Variants in TSPAN9 observed in about 807,000 individuals in gnomAD.
TSPAN9 encodes tetraspanin-9.
In TSPAN9, 16 loss-of-function variants were observed where a neutral mutation model predicts 31.0. The observed-to-expected ratio is 0.52, with a 90% CI of 0.35 to 0.78. TSPAN9 has a LOEUF of 0.78. Ranked by LOEUF, TSPAN9 falls within the 30% of genes least tolerant of loss-of-function variation. TSPAN9 has a pLI of 0.01. For synonymous variants in TSPAN9, 145 were observed against 121.6 expected, an observed-to-expected ratio of 1.19 and a Z score of -1.27; for missense variants, 272 against 312.5, an observed-to-expected ratio of 0.87 and a Z score of 0.98.
At chr12:3,158,151 C>G (rs971194027) in intron 2 of TSPAN9, among the ~76,000 whole-genome samples, 1 of 152,196 alleles carries the variant, frequency 6.6e-6, no homozygotes, top group Non-Finnish European at 1.5e-5. Flanking sequence ...GGGCTCCCCT[C>G]GGAGCACAGG....
chr12:3,280,649 G>A lies in TSPAN9; in HGVS notation c.432+166G>A, dbSNP rs1229521362. On this transcript the variant is annotated intron_variant, in intron 6 of 8. Coordinates refer to ENST00000011898, the MANE Select transcript of TSPAN9 (RefSeq NM_006675.5). The surrounding 1 kb of genome is among the most constrained non-coding windows in gnomAD (Gnocchi z 4.5). ...ATTTGCCTGAACTGCTGAGTCAGAT[G>A]TGATACAGCAAGGTACAGCCAGGGA... is the stretch of plus-strand genomic sequence containing the variant. Among the ~76,000 whole-genome samples, 1 of 152,242 alleles carries A rather than the reference G, an allele frequency of 6.6e-6. No individual in the cohort carries two copies. Among genetic ancestry groups the A allele is most frequent in the Non-Finnish European group, 1.5e-5 (1 of 68,044 alleles).
intron 2 of TSPAN9, among the ~76,000 whole-genome samples, chr12:3,103,875 G>C (rs1481718112): frequency 6.6e-6 from 1 of 152,218 alleles, no homozygotes; most frequent in Admixed American, 6.5e-5. Context: ...CTGCCCTCAA[G>C]AGCTCATATG....
chr12:3,254,178 C>T (rs955377557), intron 3 of TSPAN9, among the ~76,000 whole-genome samples: 2 of 152,236 alleles, frequency 1.3e-5, no homozygotes, highest in Non-Finnish European at 1.5e-5. Context: ...GTCACTCCTG[C>T]AGCACAGGCT....
At chr12:3,266,487 A>G (rs1862539549) in intron 3 of TSPAN9, among the ~76,000 whole-genome samples, 2 of 152,180 alleles carry the variant, frequency 1.3e-5, no homozygotes, top group South Asian at 4.1e-4. Flanking sequence ...GTGCAGCTGT[A>G]CCACGAAGAG....
chr12:3,148,690 C>T (rs941563093), intron 2 of TSPAN9, among the ~76,000 whole-genome samples: 2 of 152,234 alleles, frequency 1.3e-5, no homozygotes, highest in South Asian at 2.1e-4. Flanking sequence ...AGAGTGGAGC[C>T]GAATGCTCAT....
At chr12:3,276,451 G>A (rs371865911) in intron 3 of TSPAN9, among the ~76,000 whole-genome samples, 10 of 152,136 alleles carry the variant, frequency 6.6e-5, no homozygotes, top group East Asian at 1.9e-4. Flanking sequence ...CACGGCCAGC[G>A]TGCTCCTCCT....
intron 2 of TSPAN9, among the ~76,000 whole-genome samples, chr12:3,169,235 G>A (rs1220417076): frequency 1.3e-5 from 2 of 152,228 alleles, no homozygotes; most frequent in Admixed American, 1.3e-4. Flanking sequence ...TTTCGGGTGG[G>A]TGTGGGCAGG....
At chr12:3,150,099 C>T (rs2098339080) in intron 2 of TSPAN9, among the ~76,000 whole-genome samples, 2 of 152,208 alleles carry the variant, frequency 1.3e-5, no homozygotes, top group Admixed American at 6.5e-5. Flanking sequence ...GGGAGACAGA[C>T]AGCACCAGCA....
intron 2 of TSPAN9, 107 bp from the exon 3 acceptor site, chr12:3,201,070 G>C: frequency 9.2e-7 from 1 of 1,084,108 alleles, no homozygotes. Flanking sequence ...CGGGCTCCCG[G>C]GGCCAGAGCC....
At chr12:3,081,834 G>GTA (rs1477420908) in intron 1 of TSPAN9, among the ~76,000 whole-genome samples, 59 of 75,780 alleles carry the variant, frequency 7.8e-4, no homozygotes, top group African/African-American at 4.0e-3. Flanking sequence ...GTGTGTGTGT[G>GTA]TCTGTGTGTG....
chr12:3,112,582 T>C (rs1339755593), intron 2 of TSPAN9, among the ~76,000 whole-genome samples: 2 of 151,356 alleles, frequency 1.3e-5, no homozygotes, highest in Non-Finnish European at 2.9e-5. Context: ...AATTAAATTA[T>C]TTCTCTTTTT....
At chr12:3,105,770 ACG>A (rs1485698200) in intron 2 of TSPAN9, among the ~76,000 whole-genome samples, 5,793 of 31,844 alleles carry the variant, frequency 0.18, 383 homozygotes, top group African/African-American at 0.19. Flanking sequence ...ACACACGCGC[ACG>A]CACACACGCT....
At chr12:3,174,721 T>A (rs77533656) in intron 2 of TSPAN9, among the ~76,000 whole-genome samples, 2 of 147,182 alleles carry the variant, frequency 1.4e-5, no homozygotes, top group Admixed American at 6.9e-5. Context: ...TAGCTGGGAC[T>A]ACAGGCGCCC....
chr12:3,085,454 G>A (rs879564215), intron 2 of TSPAN9, among the ~76,000 whole-genome samples: 1 of 151,812 alleles, frequency 6.6e-6, no homozygotes. Context: ...CCCAAGTGAG[G>A]GAGATGTGAG....
intron 2 of TSPAN9, among the ~76,000 whole-genome samples, chr12:3,111,425 G>T (rs1334659167): frequency 6.6e-6 from 1 of 152,082 alleles, no homozygotes; most frequent in African/African-American, 2.4e-5. Context: ...AACTCACCTA[G>T]TATCTCTGAG....
Position 3,201,262 on chromosome 12 carries a change from T to C in TSPAN9, c.63+6T>C, listed in dbSNP as rs776752175. ...TCTTCAATTTGATATTCTGGGTAAG[T>C]CCTTCCGTTTCTCTCTCCCTTCGCC... On this transcript the variant is annotated splice_donor_region_variant and intron_variant, in intron 3 of 8. Coordinates refer to ENST00000011898, the MANE Select transcript of TSPAN9 (RefSeq NM_006675.5). 3 of 1,613,826 alleles carry C rather than the reference T, an allele frequency of 1.9e-6. No homozygotes were observed. In the East Asian group the frequency reaches 6.7e-5, roughly 36 times the overall value.
At chr12:3,152,906 A>G (rs957196304) in intron 2 of TSPAN9, among the ~76,000 whole-genome samples, 1 of 152,204 alleles carries the variant, frequency 6.6e-6, no homozygotes, top group Non-Finnish European at 1.5e-5. Flanking sequence ...TTCTTTTCTT[A>G]TGCTGCATCA....
At chr12:3,089,649 G>A (rs1186024546) in intron 2 of TSPAN9, among the ~76,000 whole-genome samples, 1 of 151,976 alleles carries the variant, frequency 6.6e-6, no homozygotes, top group Non-Finnish European at 1.5e-5. Flanking sequence ...GGTAGCTTAT[G>A]CCTGTACTCC....
At chr12:3,215,004 C>T (rs1199778870) in intron 3 of TSPAN9, among the ~76,000 whole-genome samples, 1 of 152,008 alleles carries the variant, frequency 6.6e-6, no homozygotes, top group East Asian at 1.9e-4. Flanking sequence ...TGACAGCCCA[C>T]CTCCCTTATC....
Sources: gnomAD v4.1 joint callset for allele counts (sites outside exome capture counted in the v4.1 genomes callset) on GRCh38, gnomAD v4.1.1 for gene constraint, Gnocchi (gnomAD v3.1) non-coding constraint, MANE v1.5 for transcripts, NCBI Gene and HGNC (gene_info 2026-07-23, HGNC 2026-07-21) for gene names.